PDK1: variants seen among roughly 807,000 people sequenced by gnomAD.
The protein encoded by PDK1 is pyruvate dehydrogenase kinase 1.
A neutral mutation model predicts 54.2 loss-of-function variants in PDK1; 39 were observed. That is an observed-to-expected ratio of 0.72 (90% CI 0.56 to 0.94). The LOEUF (loss-of-function observed/expected upper bound fraction) is 0.94. PDK1 is among the 40% of genes least tolerant of loss of function. PDK1 has a pLI of 0.00. For synonymous variants in PDK1, 221 were observed against 207.1 expected (o/e 1.07, Z -0.58); for missense variants, 552 against 566.0 (o/e 0.98, Z 0.25).
At chr2:172,647,116 G>A in the PDK1 span, among the ~76,000 whole-genome samples, 3 of 152,144 alleles carry the variant, frequency 2.0e-5, no homozygotes, top group East Asian at 1.9e-4. Context: ...CCAATAAGGA[G>A]CATACTGCCA....
At position 172,605,170 on chromosome 2, in the gene PDK1, T is replaced by C. The variant is rs1434666912; in HGVS notation, c.*9201T>C. 1 of 152,180 alleles carries C rather than the reference T, an allele frequency of 6.6e-6. No homozygotes were observed. The highest frequency in any genetic ancestry group is 1.5e-5 in the Non-Finnish European group (1 of 68,110). 9.4% of individuals were successfully genotyped at this position (152,180 alleles called of 1,614,324 possible). On this transcript the variant is annotated 3_prime_UTR_variant, in exon 11 of 11. Coordinates refer to ENST00000282077, the MANE Select transcript of PDK1 (RefSeq NM_002610.5). The stretch of plus-strand genomic sequence containing the variant: ...CCCATCCATTGGGTTGTGTCAGTCT[T>C]TTATTTCTAAGTGAGGATCCAGTCA...
chr2:172,584,158 G>A lies in PDK1; in HGVS notation c.946-2120G>A, dbSNP rs950546744. 2.0e-5 allele frequency among the ~76,000 whole-genome samples: 3 copies of A among 152,210 alleles called. No homozygotes were observed. In the East Asian group the frequency reaches 5.8e-4, roughly 29 times the overall value. ...CTAGGCTGTAAAATTGCTGGTAGAT[G>A]GAAATACAAAGTAGTGGTTCTGTCT... On this transcript the variant is annotated intron_variant, in intron 8 of 10. Coordinates refer to ENST00000282077, the MANE Select transcript of PDK1 (RefSeq NM_002610.5).
intron 8 of PDK1, among the ~76,000 whole-genome samples, chr2:172,577,466 G>A (rs1350695403): frequency 6.6e-6 from 1 of 151,696 alleles, no homozygotes; most frequent in East Asian, 1.9e-4. Flanking sequence ...AGTAATTTTG[G>A]TTTATGTTTG....
intron 1 of PDK1, among the ~76,000 whole-genome samples, chr2:172,557,610 C>CAT (rs137961827): frequency 7.0e-6 from 1 of 141,938 alleles, no homozygotes; most frequent in Non-Finnish European, 1.5e-5. Flanking sequence ...TCTTTTTTCC[C>CAT]GTGTGTGTGT....
At chr2:172,577,415 G>T (rs1321784483) in intron 8 of PDK1, among the ~76,000 whole-genome samples, 2 of 151,968 alleles carry the variant, frequency 1.3e-5, no homozygotes, top group Non-Finnish European at 2.9e-5. Flanking sequence ...GGAATGTTCA[G>T]ATCAATTAAA....
the PDK1 span, among the ~76,000 whole-genome samples, chr2:172,669,142 C>T: frequency 6.8e-6 from 1 of 147,574 alleles, no homozygotes; most frequent in East Asian, 2.0e-4. Context: ...TCACTGCAAG[C>T]TCCGCCTCCC....
chr2:172,703,158 C>T, the PDK1 span, among the ~76,000 whole-genome samples: 2 of 151,932 alleles, frequency 1.3e-5, no homozygotes, highest in African/African-American at 2.4e-5. Flanking sequence ...AAGACAGAGG[C>T]GAAGGTGAGA....
chr2:172,700,381 GACACTCCTCA>G, the PDK1 span, among the ~76,000 whole-genome samples: 1 of 150,676 alleles, frequency 6.6e-6, no homozygotes. Flanking sequence ...GCGGGGCAGA[GACACTCCTCA>G]GTTCCCAGAC....
chr2:172,660,247 CTTTTTTTTTTTTT>C, the PDK1 span, among the ~76,000 whole-genome samples: 1 of 44,218 alleles, frequency 2.3e-5, no homozygotes, highest in Non-Finnish European at 3.9e-5. Flanking sequence ...CTCTCTCTCT[CTTTTTTTTTTTTT>C]TTTTTTTTTT....
chr2:172,668,914 G>T, the PDK1 span, among the ~76,000 whole-genome samples: 21,508 of 133,834 alleles, frequency 0.16, 1,614 homozygotes, highest in African/African-American at 0.2. Context: ...TATAGAGAGA[G>T]AGAGAGAGAG....
chr2:172,584,173 T>C (rs13385403), intron 8 of PDK1, among the ~76,000 whole-genome samples: 33,013 of 152,072 alleles, frequency 0.22, 4,963 homozygotes, highest in African/African-American at 0.42. Context: ...TACAAAGTAG[T>C]GGTTCTGTCT....
At chr2:172,592,620 G>A (rs1690663009) in intron 9 of PDK1, among the ~76,000 whole-genome samples, 1 of 152,122 alleles carries the variant, frequency 6.6e-6, no homozygotes, top group African/African-American at 2.4e-5. Flanking sequence ...CCCACTGGAA[G>A]GAACCAATTC....
At position 172,599,721 on chromosome 2, in the gene PDK1, G is replaced by T. The variant is rs1291459319; in HGVS notation, c.*3752G>T. 2 of 152,150 alleles carry T rather than the reference G, an allele frequency of 1.3e-5. No individual in the cohort carries two copies. Among genetic ancestry groups the T allele is most frequent in the African/African-American group, 4.8e-5 (2 of 41,442 alleles). The allele number at this position is 152,150 out of a possible 1,614,324, so 9.4% of individuals were successfully genotyped here. ...GTTCTATTGACATGTTTGGAAAAAA[G>T]AATTGAACATATGTACCACCCCCCT... On this transcript the variant is annotated 3_prime_UTR_variant, in exon 11 of 11. Transcript: ENST00000282077.
Position 172,596,439 on chromosome 2 carries a change from A to C in PDK1, c.*470A>C, listed in dbSNP as rs1390813723. The C allele has an allele frequency of 1.3e-5, 2 of 153,328 alleles. No homozygotes were observed. The highest frequency in any genetic ancestry group is 2.4e-5 in the African/African-American group (1 of 41,454). 9.5% of individuals were successfully genotyped at this position (153,328 alleles called of 1,614,324 possible). On this transcript the variant is annotated 3_prime_UTR_variant, in exon 11 of 11. Transcript: ENST00000282077. Reference sequence around the variant, plus strand: ...GGTCTTCATGTTTATCAGTGACTTGACTACAAGTAAAGCAGAAAACAGTTG... The same window carrying C: ...GGTCTTCATGTTTATCAGTGACTTGCCTACAAGTAAAGCAGAAAACAGTTG...
chr2:172,672,268 A>G, the PDK1 span, among the ~76,000 whole-genome samples: 1 of 151,774 alleles, frequency 6.6e-6, no homozygotes, highest in East Asian at 1.9e-4. Flanking sequence ...ATCAGAACAA[A>G]CTCTCTTGCT....
chr2:172,560,476 C>G (rs1243910890), intron 2 of PDK1, among the ~76,000 whole-genome samples: 1 of 152,176 alleles, frequency 6.6e-6, no homozygotes, highest in Non-Finnish European at 1.5e-5. Context: ...CAGGTTAACT[C>G]TGTACAGATG....
At chr2:172,614,834 TA>T in the PDK1 span, among the ~76,000 whole-genome samples, 11 of 152,236 alleles carry the variant, frequency 7.2e-5, no homozygotes, top group Non-Finnish European at 1.6e-4. Flanking sequence ...CCTGTAACAA[TA>T]ATCTATTTCT....
intron 7 of PDK1, chr2:172,570,462 T>C (rs1210440448): frequency 9.4e-6 from 3 of 319,802 alleles, no homozygotes; most frequent in Non-Finnish European, 1.7e-5. Context: ...TTTTCTGCTT[T>C]AATGTAACTA....
At chr2:172,662,994 T>C in the PDK1 span, among the ~76,000 whole-genome samples, 2 of 152,208 alleles carry the variant, frequency 1.3e-5, no homozygotes, top group African/African-American at 4.8e-5. Context: ...AATGCATATT[T>C]GCTGAATGTA....
Sources: allele counts gnomAD v4.1 joint callset (sites outside exome capture counted in the v4.1 genomes callset), GRCh38; gene constraint gnomAD v4.1.1; transcripts MANE v1.5; gene names NCBI Gene and HGNC (gene_info 2026-07-23, HGNC 2026-07-21).